SPAG16: variants seen among roughly 807,000 people sequenced by gnomAD.
SPAG16 encodes the protein sperm-associated antigen 16 protein.
SPAG16 carries 86 observed loss-of-function variants against 80.4 expected under a neutral mutation model. The ratio of observed to expected loss-of-function variants is 1.07; its 90% CI spans 0.90 to 1.28. The LOEUF is 1.28. Among genes scored for constraint, SPAG16 ranks in the 50% most tolerant of loss-of-function variants. SPAG16 has a pLI of 0.00. For missense variants in SPAG16, 870 were observed against 765.3 expected (o/e 1.14, Z -1.61); for synonymous variants, 294 against 265.9 (o/e 1.11, Z -1.03).
intron 9 of SPAG16, among the ~76,000 whole-genome samples, chr2:213,413,225 G>T: frequency 6.6e-6 from 1 of 152,080 alleles, no homozygotes; most frequent in East Asian, 1.9e-4. Context: ...CTATTTCATA[G>T]AAGTTCATGT....
intron 10 of SPAG16, among the ~76,000 whole-genome samples, chr2:213,815,379 T>C (rs1396631561): frequency 6.6e-6 from 1 of 152,214 alleles, no homozygotes; most frequent in Admixed American, 6.5e-5. Flanking sequence ...AAATGTCCTA[T>C]ACTATGATTC....
chr2:213,934,887 C>T (rs1164426712), intron 12 of SPAG16, among the ~76,000 whole-genome samples: 1 of 152,068 alleles, frequency 6.6e-6, no homozygotes, highest in Non-Finnish European at 1.5e-5. Context: ...GCAACATTCT[C>T]TGGACTCTCC....
chr2:214,244,138 G>T (rs761985884), intron 15 of SPAG16, among the ~76,000 whole-genome samples: 1 of 151,874 alleles, frequency 6.6e-6, no homozygotes, highest in African/African-American at 2.4e-5. Flanking sequence ...ATAAAGGAAT[G>T]CCTTCAAATT....
At chr2:214,053,189 C>T (rs1230818923) in intron 13 of SPAG16, among the ~76,000 whole-genome samples, 1 of 152,174 alleles carries the variant, frequency 6.6e-6, no homozygotes, top group Non-Finnish European at 1.5e-5. Flanking sequence ...CGGATGACAG[C>T]TATTCCATTT....
At chr2:213,573,983 T>G (rs1014341300) in intron 10 of SPAG16, among the ~76,000 whole-genome samples, 1 of 152,218 alleles carries the variant, frequency 6.6e-6, no homozygotes, top group Non-Finnish European at 1.5e-5. Context: ...AGGTCTGAGA[T>G]TATATTAATA....
chr2:213,680,277 G>T (rs2064313048), intron 10 of SPAG16, among the ~76,000 whole-genome samples: 1 of 152,026 alleles, frequency 6.6e-6, no homozygotes, highest in African/African-American at 2.4e-5. Flanking sequence ...TTTGGCTGGG[G>T]GACCTTATCC....
intron 15 of SPAG16, among the ~76,000 whole-genome samples, chr2:214,298,932 A>G (rs1329899070): frequency 6.6e-6 from 1 of 152,182 alleles, no homozygotes; most frequent in Non-Finnish European, 1.5e-5. Flanking sequence ...AGTCAGGGGT[A>G]TAGTATGAAC....
intron 10 of SPAG16, among the ~76,000 whole-genome samples, chr2:213,862,254 A>G (rs1178486751): frequency 6.6e-6 from 1 of 152,146 alleles, no homozygotes; most frequent in Non-Finnish European, 1.5e-5. Context: ...TGTCTTGCAA[A>G]TGAGGAATCC....
intron 10 of SPAG16, among the ~76,000 whole-genome samples, chr2:213,684,934 G>C (rs1036826577): frequency 6.6e-6 from 1 of 152,188 alleles, no homozygotes; most frequent in African/African-American, 2.4e-5. Flanking sequence ...TGCTATGAAG[G>C]AGTGGTTTCC....
At chr2:214,317,519 A>G (rs558902277) in intron 15 of SPAG16, among the ~76,000 whole-genome samples, 1 of 152,356 alleles carries the variant, frequency 6.6e-6, no homozygotes, top group South Asian at 2.1e-4. Flanking sequence ...AATTTCTAGA[A>G]TACTTTGGAT....
At chr2:214,145,131 A>G (rs2055573729) in intron 14 of SPAG16, among the ~76,000 whole-genome samples, 1 of 152,074 alleles carries the variant, frequency 6.6e-6, no homozygotes, top group African/African-American at 2.4e-5. Context: ...TATTTAAATT[A>G]TTAATGACCT....
At chr2:213,619,505 G>A (rs1159758396) in intron 10 of SPAG16, among the ~76,000 whole-genome samples, 1 of 152,092 alleles carries the variant, frequency 6.6e-6, no homozygotes, top group Non-Finnish European at 1.5e-5. Context: ...AACGGGCAAA[G>A]CGTATGAATA....
At chr2:213,787,956 A>T (rs932012002) in intron 10 of SPAG16, among the ~76,000 whole-genome samples, 1 of 152,078 alleles carries the variant, frequency 6.6e-6, no homozygotes, top group Non-Finnish European at 1.5e-5. Flanking sequence ...TCACTACTTG[A>T]GAAAGACTAA....
chr2:213,708,602 G>T (rs529436120), intron 10 of SPAG16, among the ~76,000 whole-genome samples: 12 of 152,174 alleles, frequency 7.9e-5, no homozygotes, highest in Non-Finnish European at 1.6e-4. Context: ...GATCAGCCTG[G>T]CAAACATGGT....
chr2:213,347,091 A>C (rs1229205451), intron 6 of SPAG16, among the ~76,000 whole-genome samples: 2 of 152,062 alleles, frequency 1.3e-5, no homozygotes, highest in Non-Finnish European at 2.9e-5. Flanking sequence ...CAGAGATTCA[A>C]CTTCTTCCTG....
At chr2:214,103,320 T>C (rs979488275) in intron 13 of SPAG16, among the ~76,000 whole-genome samples, 1 of 152,186 alleles carries the variant, frequency 6.6e-6, no homozygotes, top group Non-Finnish European at 1.5e-5. Context: ...TGGGAGAGGC[T>C]TCTCCTGCCC....
intron 15 of SPAG16, among the ~76,000 whole-genome samples, chr2:214,287,467 A>G (rs1020434193): frequency 6.6e-6 from 1 of 152,234 alleles, no homozygotes; most frequent in Admixed American, 6.5e-5. Context: ...AAATCTCTTT[A>G]AAAGGAGTCA....
At chr2:213,768,343 C>G (rs945840209) in intron 10 of SPAG16, among the ~76,000 whole-genome samples, 1 of 152,070 alleles carries the variant, frequency 6.6e-6, no homozygotes, top group African/African-American at 2.4e-5. Flanking sequence ...TCATAATGAG[C>G]CTTTCTAACA....
At chr2:213,493,990 C>G (rs1488864517) in intron 10 of SPAG16, among the ~76,000 whole-genome samples, 2 of 152,162 alleles carry the variant, frequency 1.3e-5, no homozygotes, top group Admixed American at 1.3e-4. Context: ...ATTAGCCACT[C>G]CCCGTGTCCA....
Sources: gnomAD v4.1 joint callset for allele counts (sites outside exome capture counted in the v4.1 genomes callset) on GRCh38, gnomAD v4.1.1 for gene constraint, MANE v1.5 for transcripts, NCBI Gene and HGNC (gene_info 2026-07-23, HGNC 2026-07-21) for gene names.